The following PYGO1 variants were observed in gnomAD, a reference collection of about 807,000 sequenced individuals.
The protein encoded by PYGO1 is pygopus homolog 1.
In PYGO1, 6 loss-of-function variants were observed where a neutral mutation model predicts 29.5. The observed-to-expected ratio is 0.20, with a 90% CI of 0.11 to 0.40. The LOEUF (loss-of-function observed/expected upper bound fraction) is 0.40, where lower values mean the gene tolerates loss of function less well. Among genes scored for constraint, PYGO1 ranks in the 10% least tolerant of loss-of-function variants. The pLI, the probability that PYGO1 is intolerant of heterozygous loss-of-function variation, is 1.00. For missense variants in PYGO1, 515 were observed against 514.9 expected (o/e 1.00, Z 0.00); for synonymous variants, 186 against 180.5 (o/e 1.03, Z -0.24).
intron 1 of PYGO1, among the ~76,000 whole-genome samples, chr15:55,549,883 T>C (rs2058871119): frequency 1.3e-5 from 2 of 152,292 alleles, no homozygotes; most frequent in Admixed American, 6.5e-5. Context: ...CCAGCCCTAA[T>C]AACCATCACA....
Position 55,546,416 on chromosome 15 carries a change from T to C in PYGO1, c.867A>G (p.Ser289=). ...NNAVNQENSR[S]SSTEATNNNP... ...TATTGTTTGTGGCTTCAGTGCTACT[T>C]GAACGGCTGTTCTCCTGATTTACTG... The change falls in exon 3 of 3, where the codon TCA becomes TCG. Residue 289 remains serine (S), a synonymous_variant. Transcript: ENST00000563719. 1.9e-6 allele frequency: 3 copies of C among 1,614,198 alleles called. No homozygotes were observed. Among genetic ancestry groups the C allele is most frequent in the Non-Finnish European group, 1.7e-6 (2 of 1,180,024 alleles).
At chr15:55,566,792 G>A (rs1386703043) in intron 1 of PYGO1, among the ~76,000 whole-genome samples, 2 of 152,154 alleles carry the variant, frequency 1.3e-5, no homozygotes, top group Non-Finnish European at 2.9e-5. Context: ...GTGCAGTGGC[G>A]TGATCACAGC....
intron 1 of PYGO1, among the ~76,000 whole-genome samples, chr15:55,569,259 A>G (rs2058970517): frequency 6.6e-6 from 1 of 152,054 alleles, no homozygotes; most frequent in South Asian, 2.1e-4. Flanking sequence ...GATACTTTGT[A>G]TGGATTTTGG....
At chr15:55,583,593 T>C (rs1308958509) in intron 1 of PYGO1, among the ~76,000 whole-genome samples, 2 of 152,178 alleles carry the variant, frequency 1.3e-5, no homozygotes, top group Non-Finnish European at 2.9e-5. Context: ...CATGGCCCAT[T>C]GCAGCCTCGA....
intron 1 of PYGO1, among the ~76,000 whole-genome samples, chr15:55,568,928 C>T (rs1269593561): frequency 6.6e-6 from 1 of 152,122 alleles, no homozygotes; most frequent in Non-Finnish European, 1.5e-5. Flanking sequence ...CCTTGCACCC[C>T]AGGACTGAAA....
In PYGO1 at chr15:55,560,527, A is replaced by G. The variant is rs535885897; in HGVS notation, c.50-11532T>C. On this transcript the variant is annotated intron_variant, in intron 1 of 2. Transcript: ENST00000563719. ...ACAAACTACTGCTCAAGGAAATAAG[A>G]GAGGACACAAACAAATGGAAAAACA... Among the ~76,000 whole-genome samples, 35 of 152,348 alleles carry G rather than the reference A, an allele frequency of 2.3e-4. 1 individual carries two copies. Among genetic ancestry groups the G allele is most frequent in the Admixed American group, 7.2e-4 (11 of 15,292 alleles).
At chr15:55,566,782 G>C (rs1156722998) in intron 1 of PYGO1, among the ~76,000 whole-genome samples, 1 of 152,176 alleles carries the variant, frequency 6.6e-6, no homozygotes, top group Non-Finnish European at 1.5e-5. Context: ...CCAGGCTGGA[G>C]TGCAGTGGCG....
intron 1 of PYGO1, among the ~76,000 whole-genome samples, chr15:55,562,207 C>T (rs763200422): frequency 3.3e-5 from 5 of 152,130 alleles, no homozygotes; most frequent in East Asian, 1.9e-4. Context: ...GGCAAGGTTG[C>T]GGAGAAAAAG....
intron 1 of PYGO1, among the ~76,000 whole-genome samples, chr15:55,580,772 AC>A (rs1205611543): frequency 1.3e-5 from 2 of 152,170 alleles, no homozygotes; most frequent in African/African-American, 4.8e-5. Context: ...ATCATTCTTG[AC>A]CATACTTTAA....
chr15:55,566,065 G>C (rs2058955064), intron 1 of PYGO1, among the ~76,000 whole-genome samples: 1 of 152,194 alleles, frequency 6.6e-6, no homozygotes, highest in Non-Finnish European at 1.5e-5. Flanking sequence ...ACAGGCGTGA[G>C]CCACCGTGTC....
chr15:55,558,285 C>G (rs988820721), intron 1 of PYGO1, among the ~76,000 whole-genome samples: 1 of 143,302 alleles, frequency 7.0e-6, no homozygotes, highest in Non-Finnish European at 1.5e-5. Context: ...AGGAATCCAA[C>G]TTACAAGGGA....
chr15:55,564,806 G>A (rs745622990), intron 1 of PYGO1, among the ~76,000 whole-genome samples: 18 of 152,156 alleles, frequency 1.2e-4, no homozygotes, highest in Non-Finnish European at 1.9e-4. Flanking sequence ...ATTGGGCTGC[G>A]TTCTCTGCTC....
intron 1 of PYGO1, among the ~76,000 whole-genome samples, chr15:55,551,978 G>T (rs1197234843): frequency 2.0e-5 from 3 of 151,958 alleles, no homozygotes; most frequent in Non-Finnish European, 4.4e-5. Context: ...AGAATAAAGA[G>T]AAATATACAT....
At chr15:55,558,587 G>A (rs7166262) in intron 1 of PYGO1, among the ~76,000 whole-genome samples, 133,784 of 151,896 alleles carry the variant, frequency 0.88, 59,107 homozygotes, top group Admixed American at 0.92. Context: ...ATGCTACCTG[G>A]CTTCAAACTA....
At chr15:55,552,618 C>T (rs971756662) in intron 1 of PYGO1, among the ~76,000 whole-genome samples, 2 of 152,042 alleles carry the variant, frequency 1.3e-5, no homozygotes, top group Admixed American at 6.6e-5. Flanking sequence ...TGTGTGACCC[C>T]ATCCAGGAAA....
Position 55,546,268 on chromosome 15 carries a change from G to A in PYGO1, c.1015C>T (p.Pro339Ser), listed in dbSNP as rs760898097. 1.2e-6 allele frequency: 2 copies of A among 1,614,006 alleles called. No homozygotes were observed. The highest frequency in any genetic ancestry group is 2.7e-5 in the African/African-American group (2 of 74,904). ...GTACAAATTCCACAAGGATACACTG[G>A]GTCAGAAGACGAATGGCCATGACGG... is the stretch of plus-strand genomic sequence containing the variant. The part of the protein sequence containing the change: ...PNRHGHSSSD[P>S]VYPCGICTNE... Residue 339 changes from proline (P) to serine (S), a missense_variant, in exon 3 of 3, where the codon CCA becomes TCA. Pro to Ser is a moderately conservative substitution (Grantham distance 74). Coordinates refer to ENST00000563719, the MANE Select transcript of PYGO1 (RefSeq NM_001367806.1).
chr15:55,588,951 C>T (rs1218188023), upstream of PYGO1: 1 of 911,494 alleles, frequency 1.1e-6, no homozygotes, highest in Non-Finnish European at 1.7e-6. Flanking sequence ...CTTGACTCTT[C>T]AAGAAAGAGC....
rs1567053553 is a variant in PYGO1, at chr15:55,557,881, A to G, written c.50-8886T>C. On this transcript the variant is annotated intron_variant, in intron 1 of 2. Transcript: ENST00000563719. ...GCTATTTATGACATACCCACAGCCA[A>G]TATCATACTGAATGGGCAAATACTG... is the stretch of plus-strand genomic sequence containing the variant. Among the ~76,000 whole-genome samples the G allele has an allele frequency of 7.9e-5, 12 of 152,330 alleles. No homozygotes were observed. In the South Asian group the frequency reaches 2.5e-3, roughly 32 times the overall value.
chr15:55,585,086 G>A (rs995423429), intron 1 of PYGO1, among the ~76,000 whole-genome samples: 9 of 152,144 alleles, frequency 5.9e-5, no homozygotes, highest in African/African-American at 2.2e-4. Flanking sequence ...CTACTGTAAA[G>A]TCCTCAGTCA....
Sources: gnomAD v4.1 joint callset for allele counts (sites outside exome capture counted in the v4.1 genomes callset) on GRCh38, gnomAD v4.1.1 for gene constraint, MANE v1.5 for transcripts, NCBI Gene and HGNC (gene_info 2026-07-23, HGNC 2026-07-21) for gene names.